The following PLCB3 variants were observed in gnomAD, a reference collection of about 807,000 sequenced individuals.
PLCB3 encodes the protein 1-phosphatidylinositol 4,5-bisphosphate phosphodiesterase beta-3.
PLCB3 carries 54 observed loss-of-function variants against 152.1 expected under a neutral mutation model. The observed-to-expected ratio is 0.36, with a 90% CI of 0.29 to 0.45. PLCB3 has a LOEUF of 0.45. Among genes scored for constraint, PLCB3 ranks in the 20% least tolerant of loss-of-function variants. The pLI is 1.00. For missense variants in PLCB3, 1,248 were observed against 1,687.5 expected (o/e 0.74, Z 4.56); for synonymous variants, 717 against 698.7 (o/e 1.03, Z -0.41).
At position 64,255,489 on chromosome 11, in the gene PLCB3, C is replaced by T; in HGVS notation, c.521+40C>T. On this transcript the variant is annotated intron_variant, in intron 6 of 30. Coordinates refer to ENST00000279230, the MANE Select transcript of PLCB3 (RefSeq NM_000932.5). This position sits in a 1 kb window ranked among gnomAD's most constrained non-coding sequence, Gnocchi z 6.8. ...CCCCAGCACCTTCCTCCTGCCCTGA[C>T]CTTGGTGACCTTTGTCCTCCACTGA... is the stretch of plus-strand genomic sequence containing the variant. 1.2e-6 allele frequency: 2 copies of T among 1,613,964 alleles called. No homozygotes were observed. Among genetic ancestry groups the T allele is most frequent in the Non-Finnish European group, 1.7e-6 (2 of 1,179,814 alleles).
intron 19 of PLCB3, among the ~76,000 whole-genome samples, chr11:64,263,056 C>T (rs766813744): frequency 5.3e-5 from 8 of 152,154 alleles, no homozygotes; most frequent in South Asian, 2.1e-4. Context: ...GTGTCCCCTG[C>T]GAGGAGTGGA....
At position 64,256,484 on chromosome 11, in the gene PLCB3, C is replaced by T. The variant is rs1279700338; in HGVS notation, c.807C>T (p.Pro269=). ...LNEVLYPPLR[P]SQARLLIEKY... ...AAGTGCTGTACCCGCCCCTGCGGCC[C>T]TCCCAGGCCCGGCTGCTCATCGAAA... is the stretch of plus-strand genomic sequence containing the variant. The change falls in exon 9 of 31, where the codon CCC becomes CCT. Residue 269 remains proline (P), a synonymous_variant. Transcript: ENST00000279230. 6 of 1,613,820 alleles carry T rather than the reference C, an allele frequency of 3.7e-6. No individual in the cohort carries two copies. The highest frequency in any genetic ancestry group is 1.3e-5 in the African/African-American group (1 of 74,942).
At chr11:64,259,782 A>G (rs2031744311) in intron 13 of PLCB3, among the ~76,000 whole-genome samples, 1 of 151,396 alleles carries the variant, frequency 6.6e-6, no homozygotes, top group South Asian at 2.1e-4. Flanking sequence ...CCACTGAACC[A>G]CCCTATCTGC....
rs34677667 is a variant in PLCB3 at position 64,265,982 on chromosome 11, G to A, written c.3132G>A (p.Glu1044=). 1,756 of 1,614,060 alleles carry A rather than the reference G, an allele frequency of 1.1e-3. 15 individuals carry two copies. The African/African-American group carries it at 0.02, about 19-fold the overall frequency. The change falls in exon 26 of 31, where the codon GAG becomes GAA. Residue 1044 remains glutamate (E), a synonymous_variant. Coordinates refer to ENST00000279230, the MANE Select transcript of PLCB3 (RefSeq NM_000932.5). ...FQNRQVQSLL[E]LREAQVDAEA... is the part of the protein sequence containing the mutation. Reference sequence around the variant, plus strand: ...ACAGACAGGTGCAGAGCCTGCTGGAGCTGCGGGAGGCCCAGGTGGACGCAG... The same window carrying A: ...ACAGACAGGTGCAGAGCCTGCTGGAACTGCGGGAGGCCCAGGTGGACGCAG...
At position 64,255,733 on chromosome 11, in the gene PLCB3, C is replaced by A; in HGVS notation, c.610C>A (p.Arg204=). ...CCTCGACCTCCAGAGTGAGTCCATC[C>A]GGCCTGATGAGTTTTCCTTGGAAAT... is the stretch of plus-strand genomic sequence containing the variant. ...GLKFNRSESI[R]PDEFSLEIFE... is the part of the protein sequence containing the mutation. Residue 204 remains arginine, a synonymous_variant, in exon 8 of 31, where the codon CGG becomes AGG. Transcript: ENST00000279230. This position sits in a 1 kb window ranked among gnomAD's most constrained non-coding sequence, Gnocchi z 6.8. 1 of 1,613,926 alleles carries A rather than the reference C, an allele frequency of 6.2e-7. No individual in the cohort carries two copies. The highest frequency in any genetic ancestry group is 1.1e-5 in the South Asian group (1 of 91,082).
At chr11:64,261,796 TG>T in intron 16 of PLCB3, 131 bp downstream of exon 16, 1 of 1,424,840 alleles carries the variant, frequency 7.0e-7, no homozygotes. Context: ...CACCCTGGCC[TG>T]GGGCTTGGGC....
chr11:64,254,075 CA>C (rs2031380489), intron 1 of PLCB3, among the ~76,000 whole-genome samples: 1 of 151,990 alleles, frequency 6.6e-6, no homozygotes, highest in African/African-American at 2.4e-5. Context: ...GGACCTCTTC[CA>C]GGGGGTGGGT....
intron 14 of PLCB3, 92 bp downstream of exon 14, chr11:64,260,326 C>CAGGAGGCAGGGG: frequency 2.3e-6 from 2 of 875,338 alleles, no homozygotes; most frequent in Non-Finnish European, 3.6e-6. Context: ...GACATCACCC[C>CAGGAGGCAGGGG]TGCCTCCTGG....
chr11:64,265,814 C>T, intron 25 of PLCB3, 72 bp from the exon 26 acceptor site: 4 of 1,533,416 alleles, frequency 2.6e-6, no homozygotes, highest in Non-Finnish European at 3.5e-6. Context: ...CAGGATGTGC[C>T]CCCCTACACA....
intron 1 of PLCB3, among the ~76,000 whole-genome samples, chr11:64,253,871 G>A (rs1591099223): frequency 6.6e-6 from 1 of 152,344 alleles, no homozygotes; most frequent in East Asian, 1.9e-4. Flanking sequence ...CCCGGCAGAT[G>A]TGGTAAGGTG....
In PLCB3 at chr11:64,264,106, G is replaced by C; in HGVS notation, c.2646G>C (p.Glu882Asp). The C allele has an allele frequency of 1.3e-6, 2 of 1,532,332 alleles. No individual in the cohort carries two copies. The highest frequency in any genetic ancestry group is 1.8e-6 in the Non-Finnish European group (2 of 1,141,880). The allele number at this position is 1,532,332 out of a possible 1,614,324, so 94.9% of individuals were successfully genotyped here. ...RARQLAALIGESEAQAGQETC... is the reference protein window; with the variant it reads ...RARQLAALIGDSEAQAGQETC... ...GGCAGCTGGCCGCCCTCATTGGGGA[G>C]AGTGAGGTGAGCCGGGGCAGGGCAG... Residue 882 changes from glutamate to aspartate, a missense_variant, in exon 22 of 31, where the codon GAG becomes GAC. Physicochemically the swap from Glu to Asp is conservative, Grantham distance 45. Transcript: ENST00000279230.
Position 64,253,058 on chromosome 11 carries a change from T to C in PLCB3, c.99+1310T>C, listed in dbSNP as rs531546322. Reference sequence around the variant, plus strand: ...ATGCATCCCCAAATTTTGGGGGCCTTCTGTTCCCAGATGAACGCCCATCTT... The same window carrying C: ...ATGCATCCCCAAATTTTGGGGGCCTCCTGTTCCCAGATGAACGCCCATCTT... On this transcript the variant is annotated intron_variant, in intron 1 of 30. Coordinates refer to ENST00000279230, the MANE Select transcript of PLCB3 (RefSeq NM_000932.5). Among the ~76,000 whole-genome samples, 16 of 152,330 alleles carry C rather than the reference T, an allele frequency of 1.1e-4. No homozygotes were observed. The South Asian group carries it at 2.7e-3, about 26-fold the overall frequency.
In PLCB3 at chr11:64,265,374, G is replaced by T; in HGVS notation, c.2907G>T (p.Arg969=). 6.2e-7 allele frequency: 1 copy of T among 1,612,056 alleles called. No individual in the cohort carries two copies. Among genetic ancestry groups the T allele is most frequent in the East Asian group, 2.2e-5 (1 of 44,836 alleles). Residue 969 remains arginine (R), a synonymous_variant, in exon 25 of 31, where the codon CGG becomes CGT. Transcript: ENST00000279230. Reference sequence around the variant, plus strand: ...AGGCTCTGGTCAAGCTCCGGAGCCGGCAAGAGCGAGACCTGCGGGAGCTGC... The same window carrying T: ...AGGCTCTGGTCAAGCTCCGGAGCCGTCAAGAGCGAGACCTGCGGGAGCTGC... ...GHKALVKLRS[R]QERDLRELRK... is the part of the protein sequence containing the mutation.
At chr11:64,264,204 T>C in intron 22 of PLCB3, 92 bp downstream of exon 22, 1 of 852,128 alleles carries the variant, frequency 1.2e-6, no homozygotes, top group Non-Finnish European at 1.8e-6. Context: ...GGGCTTCTGG[T>C]CTCTCTAGCG....
At position 64,256,517 on chromosome 11, in the gene PLCB3, G is replaced by A. The variant is rs1299173428; in HGVS notation, c.840G>A (p.Glu280=). 6 of 1,613,788 alleles carry A rather than the reference G, an allele frequency of 3.7e-6. No homozygotes were observed. Among genetic ancestry groups the A allele is most frequent in the South Asian group, 1.1e-5 (1 of 91,090 alleles). ...SQARLLIEKY[E]PNQQFLERDQ... is the part of the protein sequence containing the mutation. ...CCCGGCTGCTCATCGAAAAGTATGA[G>A]CCCAACCAGCAGTTTCTGGAGCGAG... Residue 280 remains glutamate (E), a synonymous_variant, in exon 9 of 31, where the codon GAG becomes GAA. Coordinates refer to ENST00000279230, the MANE Select transcript of PLCB3 (RefSeq NM_000932.5).
intron 1 of PLCB3, among the ~76,000 whole-genome samples, chr11:64,253,945 T>G (rs2031374240): frequency 6.6e-6 from 1 of 152,098 alleles, no homozygotes; most frequent in Admixed American, 6.5e-5. Context: ...AGAAGGGCAG[T>G]GGGAGTCAGA....
chr11:64,261,856 G>C, intron 16 of PLCB3, 96 bp from the exon 17 acceptor site: 3 of 1,547,224 alleles, frequency 1.9e-6, no homozygotes, highest in South Asian at 2.3e-5. Flanking sequence ...AACAGAGGCC[G>C]GGTGTGGGGG....
chr11:64,267,629 T>G lies in PLCB3; in HGVS notation c.*73T>G. The stretch of plus-strand genomic sequence containing the variant: ...GGGCAGGAGGCAATGACACTAATGC[T>G]TTTTTTTTTTTTTTTTAACTTTTTA... On this transcript the variant is annotated 3_prime_UTR_variant, in exon 31 of 31. Coordinates refer to ENST00000279230, the MANE Select transcript of PLCB3 (RefSeq NM_000932.5). This position sits in a 1 kb window ranked among gnomAD's most constrained non-coding sequence, Gnocchi z 5.2. 1 of 144,006 alleles carries G rather than the reference T, an allele frequency of 6.9e-6. No individual in the cohort carries two copies. Among genetic ancestry groups the G allele is most frequent in the South Asian group, 2.1e-4 (1 of 4,690 alleles). The allele number at this position is 144,006 out of a possible 1,614,324, so 8.9% of individuals were successfully genotyped here. A position where few individuals can be genotyped will look rare whatever the true frequency, so the allele number is the denominator to read the frequency against.
rs375456817 is a variant in PLCB3, at chr11:64,255,438, C to A, written c.510C>A (p.Ile170=). 2.5e-6 allele frequency: 4 copies of A among 1,614,008 alleles called. No homozygotes were observed. Among genetic ancestry groups the A allele is most frequent in the Non-Finnish European group, 2.5e-6 (3 of 1,180,000 alleles). ...TGCAGGTGAACCAGGATGGTCGGATCCCCGTCAAGAAGTGAGCACCCCTTC... is the reference window on the plus strand; with the variant it reads ...TGCAGGTGAACCAGGATGGTCGGATACCCGTCAAGAAGTGAGCACCCCTTC... ...LKLQVNQDGR[I]PVKNILKMFS... is the part of the protein sequence containing the mutation. Residue 170 remains isoleucine (I), a synonymous_variant, in exon 6 of 31, where the codon ATC becomes ATA. Transcript: ENST00000279230. This position sits in a 1 kb window ranked among gnomAD's most constrained non-coding sequence, Gnocchi z 6.8.
Sources: allele counts gnomAD v4.1 joint callset (sites outside exome capture counted in the v4.1 genomes callset), GRCh38; gene constraint gnomAD v4.1.1; non-coding constraint Gnocchi (gnomAD v3.1); transcripts MANE v1.5; gene names NCBI Gene and HGNC (gene_info 2026-07-23, HGNC 2026-07-21).